The following BNC2 variants were observed in gnomAD, a reference collection of about 807,000 sequenced individuals.
BNC2 encodes the protein zinc finger protein basonuclin-2.
BNC2 carries 20 observed loss-of-function variants against 76.3 expected under a neutral mutation model. The ratio of observed to expected loss-of-function variants is 0.26; its 90% confidence interval spans 0.18 to 0.38. The LOEUF is 0.38. BNC2 is among the 10% of genes least tolerant of loss of function. The pLI is 1.00. For synonymous variants in BNC2, 582 were observed against 514.8 expected (o/e 1.13, Z -1.77); for missense variants, 1,382 against 1,399.8 (o/e 0.99, Z 0.20).
chr9:16,674,566 T>C (rs892617544), intron 3 of BNC2, among the ~76,000 whole-genome samples: 3 of 151,968 alleles, frequency 2.0e-5, no homozygotes, highest in Non-Finnish European at 4.4e-5. Flanking sequence ...AAAAGGTTTT[T>C]ACTTGTCTTT....
chr9:16,789,305 T>C (rs1396636430), intron 1 of BNC2, among the ~76,000 whole-genome samples: 1 of 152,042 alleles, frequency 6.6e-6, no homozygotes, highest in East Asian at 1.9e-4. Flanking sequence ...ACGGTGGCCA[T>C]GGCACTTATA....
chr9:16,760,810 T>C (rs1306854496), intron 1 of BNC2, among the ~76,000 whole-genome samples: 1 of 151,976 alleles, frequency 6.6e-6, no homozygotes, highest in East Asian at 1.9e-4. Flanking sequence ...GAAAACAAAG[T>C]TGCTGACAGG....
In BNC2 at chr9:16,552,798, G is replaced by C. The variant is rs779063561; in HGVS notation, c.434-33C>G. On this transcript the variant is annotated intron_variant, in intron 4 of 6. Transcript: ENST00000380672. Reference sequence around the variant, plus strand: ...GGTCCCGCCAAAGTTCCAGAGATGGGGGTGTTGGGAATAAGATAAAGAGAG... The same window carrying C: ...GGTCCCGCCAAAGTTCCAGAGATGGCGGTGTTGGGAATAAGATAAAGAGAG... The C allele has an allele frequency of 5.8e-6, 9 of 1,544,590 alleles. No individual in the cohort carries two copies. In the East Asian group the frequency reaches 1.3e-4, roughly 23 times the overall value.
At chr9:16,681,332 G>C (rs1822814835) in intron 3 of BNC2, among the ~76,000 whole-genome samples, 1 of 152,162 alleles carries the variant, frequency 6.6e-6, no homozygotes, top group Non-Finnish European at 1.5e-5. Context: ...TTTTATCGGA[G>C]GGGAAAAAGG....
chr9:16,482,560 A>G (rs769280038), intron 5 of BNC2, among the ~76,000 whole-genome samples: 6 of 152,230 alleles, frequency 3.9e-5, no homozygotes, highest in Non-Finnish European at 5.9e-5. Context: ...GATTGCAGAC[A>G]CTGATTCTAA....
intron 3 of BNC2, among the ~76,000 whole-genome samples, chr9:16,645,167 C>T (rs1406935433): frequency 6.6e-6 from 1 of 152,044 alleles, no homozygotes; most frequent in Non-Finnish European, 1.5e-5. Flanking sequence ...TGAACCTTGG[C>T]TTGGATAAGA....
At chr9:16,665,554 T>C (rs1476373172) in intron 3 of BNC2, among the ~76,000 whole-genome samples, 4 of 152,154 alleles carry the variant, frequency 2.6e-5, no homozygotes, top group African/African-American at 9.7e-5. Flanking sequence ...GGTTGAGCAG[T>C]TCTTACCATC....
chr9:16,849,351 GA>G (rs1819068924), intron 1 of BNC2, among the ~76,000 whole-genome samples: 4 of 110,020 alleles, frequency 3.6e-5, no homozygotes, highest in African/African-American at 1.4e-4. Flanking sequence ...CCATGCAAAA[GA>G]TTTTTTTTTT....
Position 16,437,139 on chromosome 9 carries a change from A to G in BNC2, c.1055T>C (p.Leu352Pro). Residue 352 changes from leucine (L) to proline (P), a missense_variant, in exon 6 of 7, where the codon CTG (leucine) becomes CCG (proline). Coordinates refer to ENST00000380672, the MANE Select transcript of BNC2 (RefSeq NM_017637.6). Reference sequence around the variant, plus strand: ...CTGAGTTGAAAGGCTGGGTTCCCGCAGCCTCAACCCTGGTTGCTCTAACAG... The same window carrying G: ...CTGAGTTGAAAGGCTGGGTTCCCGCGGCCTCAACCCTGGTTGCTCTAACAG... ...GLLLEQPGLR[L>P]REPSLSTQNE... The G allele has an allele frequency of 6.2e-7, 1 of 1,614,206 alleles. No individual in the cohort carries two copies. The highest frequency in any genetic ancestry group is 8.5e-7 in the Non-Finnish European group (1 of 1,180,024).
intron 6 of BNC2, among the ~76,000 whole-genome samples, chr9:16,428,401 A>G (rs1820841179): frequency 6.6e-6 from 1 of 152,194 alleles, no homozygotes; most frequent in African/African-American, 2.4e-5. Flanking sequence ...TTTACTTACG[A>G]AATCTTATTT....
chr9:16,754,868 T>G (rs1174767909), intron 1 of BNC2, among the ~76,000 whole-genome samples: 1 of 152,192 alleles, frequency 6.6e-6, no homozygotes, highest in Non-Finnish European at 1.5e-5. Context: ...CCAGCCATCT[T>G]GTTTTCAATA....
intron 1 of BNC2, among the ~76,000 whole-genome samples, chr9:16,795,437 T>C (rs979101765): frequency 6.6e-6 from 1 of 151,268 alleles, no homozygotes; most frequent in African/African-American, 2.4e-5. Flanking sequence ...CCGGAAACAT[T>C]GGGAGACTGA....
At chr9:16,461,409 A>T (rs1334219215) in intron 5 of BNC2, among the ~76,000 whole-genome samples, 1 of 152,208 alleles carries the variant, frequency 6.6e-6, no homozygotes, top group Admixed American at 6.5e-5. Context: ...CACTTGAATG[A>T]GGATTTATGC....
chr9:16,482,618 T>C (rs1822082010), intron 5 of BNC2, among the ~76,000 whole-genome samples: 1 of 152,202 alleles, frequency 6.6e-6, no homozygotes, highest in South Asian at 2.1e-4. Context: ...ACATATAATC[T>C]TACTTACTTT....
At chr9:16,821,378 C>T (rs1480662813) in intron 1 of BNC2, among the ~76,000 whole-genome samples, 1 of 152,088 alleles carries the variant, frequency 6.6e-6, no homozygotes, top group African/African-American at 2.4e-5. Flanking sequence ...AGGATGACTA[C>T]AGTTATTTGT....
intron 3 of BNC2, among the ~76,000 whole-genome samples, chr9:16,591,308 G>T (rs920350653): frequency 4.6e-5 from 7 of 152,126 alleles, no homozygotes; most frequent in Non-Finnish European, 8.8e-5. Context: ...ACTCATCTAT[G>T]ACGAATGTAA....
intron 3 of BNC2, among the ~76,000 whole-genome samples, chr9:16,658,447 T>G (rs1194678335): frequency 6.6e-6 from 1 of 152,196 alleles, no homozygotes; most frequent in Non-Finnish European, 1.5e-5. Context: ...AAAACACACA[T>G]TACCCTGGTC....
At chr9:16,441,169 T>C (rs1821121182) in intron 5 of BNC2, among the ~76,000 whole-genome samples, 1 of 152,142 alleles carries the variant, frequency 6.6e-6, no homozygotes, top group Admixed American at 6.5e-5. Context: ...CCAAGTGTGG[T>C]GGTCCGTGCC....
intron 1 of BNC2, among the ~76,000 whole-genome samples, chr9:16,741,186 A>G (rs1824838558): frequency 6.6e-6 from 1 of 152,122 alleles, no homozygotes; most frequent in Non-Finnish European, 1.5e-5. Context: ...GGGTAAAATG[A>G]AACTCTGCTA....
Sources: allele counts gnomAD v4.1 joint callset (sites outside exome capture counted in the v4.1 genomes callset), GRCh38; gene constraint gnomAD v4.1.1; transcripts MANE v1.5; gene names NCBI Gene and HGNC (gene_info 2026-07-23, HGNC 2026-07-21).